TTC8: variants seen among roughly 807,000 people sequenced by gnomAD.
TTC8 encodes tetratricopeptide repeat protein 8.
In TTC8, 47 loss-of-function variants were observed where a neutral mutation model predicts 72.5. That is an observed-to-expected ratio of 0.65 (90% CI 0.51 to 0.83). The LOEUF (loss-of-function observed/expected upper bound fraction) is 0.83, where lower values mean the gene tolerates loss of function less well. TTC8 is among the 40% of genes least tolerant of loss of function. The pLI, the probability that TTC8 is intolerant of heterozygous loss-of-function variation, is 0.00. For synonymous variants in TTC8, 199 were observed against 221.4 expected, an observed-to-expected ratio of 0.90 and a Z score of 0.90; for missense variants, 611 against 623.2, an observed-to-expected ratio of 0.98 and a Z score of 0.21.
intron 6 of TTC8, among the ~76,000 whole-genome samples, chr14:88,841,730 T>A (rs1234715619): frequency 2.0e-5 from 3 of 152,202 alleles, no homozygotes; most frequent in Admixed American, 6.5e-5. Flanking sequence ...AGGAAATTCT[T>A]TTCCCTTGAT....
intron 8 of TTC8, among the ~76,000 whole-genome samples, chr14:88,856,849 G>A (rs927284918): frequency 6.6e-6 from 1 of 152,158 alleles, no homozygotes; most frequent in Non-Finnish European, 1.5e-5. Flanking sequence ...GAGACTCTAA[G>A]CATTTATTCA....
At chr14:88,842,951 GTT>G (rs71456665) in intron 6 of TTC8, among the ~76,000 whole-genome samples, 3 of 146,980 alleles carry the variant, frequency 2.0e-5, no homozygotes, top group African/African-American at 5.0e-5. Flanking sequence ...TTATAGGTTT[GTT>G]TTTTTTTTTA....
At position 88,871,480 on chromosome 14, in the gene TTC8, T is replaced by C. The variant is rs933195520; in HGVS notation, c.1050-69T>C. On this transcript the variant is annotated intron_variant, in intron 11 of 14. Coordinates refer to ENST00000380656, the MANE Select transcript of TTC8 (RefSeq NM_144596.4). The surrounding 1 kb of genome is among the most constrained non-coding windows in gnomAD (Gnocchi z 4.1). The stretch of plus-strand genomic sequence containing the variant: ...AATTCATTTTTAACTGTGTAAAATA[T>C]ATATATATATGTCTTAAAACTTACA... 3.5e-5 allele frequency: 46 copies of C among 1,320,600 alleles called. 2 individuals carry two copies. The South Asian group carries it at 5.2e-4, about 15-fold the overall frequency. 81.8% of individuals were successfully genotyped at this position (1,320,600 alleles called of 1,614,324 possible). A position where few individuals can be genotyped will look rare whatever the true frequency, so the allele number is the denominator to read the frequency against.
intron 8 of TTC8, among the ~76,000 whole-genome samples, chr14:88,854,803 C>T (rs1000289982): frequency 2.6e-5 from 4 of 152,282 alleles, no homozygotes; most frequent in Admixed American, 2.6e-4. Context: ...CTGCTTCAGT[C>T]TCCCAAGCTG....
At chr14:88,866,523 C>G (rs2094910442) in intron 10 of TTC8, among the ~76,000 whole-genome samples, 1 of 152,104 alleles carries the variant, frequency 6.6e-6, no homozygotes, top group Non-Finnish European at 1.5e-5. Flanking sequence ...TCAGCCTACA[C>G]AGTGGCCATT....
rs587777808 is a variant in TTC8, at chr14:88,843,851, G to A, written c.624+1G>A. ...TCATCATGAAAATGATGTTAAGACTGTAAGTTTTGAATTCATGCTATTTTC... is the reference window on the plus strand; with the variant it reads ...TCATCATGAAAATGATGTTAAGACTATAAGTTTTGAATTCATGCTATTTTC... On this transcript the variant is annotated splice_donor_variant, in intron 7 of 14. Coordinates refer to ENST00000380656, the MANE Select transcript of TTC8 (RefSeq NM_144596.4). LOFTEE classifies it high-confidence loss of function. 3 of 1,583,320 alleles carry A rather than the reference G, an allele frequency of 1.9e-6. No homozygotes were observed. The highest frequency in any genetic ancestry group is 2.6e-6 in the Non-Finnish European group (3 of 1,159,088).
intron 1 of TTC8, among the ~76,000 whole-genome samples, chr14:88,830,241 G>A (rs2094719735): frequency 6.6e-6 from 1 of 152,170 alleles, no homozygotes; most frequent in African/African-American, 2.4e-5. Context: ...AGAAAATGCT[G>A]AACCCTAGGG....
At chr14:88,853,097 T>A in intron 8 of TTC8, 41 bp downstream of exon 8, 1 of 1,447,558 alleles carries the variant, frequency 6.9e-7, no homozygotes, top group Non-Finnish European at 9.7e-7. Context: ...AGTGGCCACG[T>A]ATTTTAGGGT....
intron 7 of TTC8, among the ~76,000 whole-genome samples, chr14:88,850,964 A>T (rs144365986): frequency 5.3e-5 from 8 of 152,292 alleles, no homozygotes; most frequent in African/African-American, 1.7e-4. Flanking sequence ...AAAATTCTGT[A>T]CATCTCGAAG....
chr14:88,828,181 G>A (rs2094710425), intron 1 of TTC8, among the ~76,000 whole-genome samples: 1 of 142,482 alleles, frequency 7.0e-6, no homozygotes, highest in African/African-American at 2.5e-5. Context: ...TGTTTTGAGG[G>A]TCAGTTTTTA....
chr14:88,837,010 G>A (rs777137103), intron 2 of TTC8: 33 of 259,656 alleles, frequency 1.3e-4, no homozygotes, highest in African/African-American at 7.0e-4. Flanking sequence ...GCAGCAAGCC[G>A]AGATCACGCC....
At chr14:88,853,785 A>G (rs2094844208) in intron 8 of TTC8, among the ~76,000 whole-genome samples, 1 of 152,252 alleles carries the variant, frequency 6.6e-6, no homozygotes, top group Non-Finnish European at 1.5e-5. Context: ...ATGAATATTT[A>G]TATAGCAACT....
chr14:88,854,766 G>A (rs2094848756), intron 8 of TTC8, among the ~76,000 whole-genome samples: 1 of 152,092 alleles, frequency 6.6e-6, no homozygotes, highest in African/African-American at 2.4e-5. Context: ...GCTCACTGCA[G>A]CCTCAATCTC....
At chr14:88,860,810 C>CT (rs113496415) in intron 9 of TTC8, among the ~76,000 whole-genome samples, 14,985 of 144,762 alleles carry the variant, frequency 0.1, 1,986 homozygotes, top group African/African-American at 0.3. Context: ...TCTTCTTCTT[C>CT]TTTTTTTTTT....
chr14:88,833,546 A>C (rs2094736136), intron 1 of TTC8, 147 bp from the exon 2 acceptor site: 1 of 670,436 alleles, frequency 1.5e-6, no homozygotes, highest in South Asian at 1.8e-5. Flanking sequence ...TCTTGAGAAC[A>C]CTTCTGTAGG....
At chr14:88,864,738 T>C (rs918916534) in intron 10 of TTC8, among the ~76,000 whole-genome samples, 2 of 152,210 alleles carry the variant, frequency 1.3e-5, no homozygotes, top group Non-Finnish European at 2.9e-5. Flanking sequence ...GCAGTATTTC[T>C]GTCTTTTGCC....
chr14:88,852,734 A>T (rs544758870), intron 7 of TTC8, among the ~76,000 whole-genome samples: 1 of 152,318 alleles, frequency 6.6e-6, no homozygotes, highest in South Asian at 2.1e-4. Flanking sequence ...CAAATATATT[A>T]TACATCTGCT....
intron 2 of TTC8, among the ~76,000 whole-genome samples, chr14:88,836,291 G>T (rs576662872): frequency 1.4e-4 from 21 of 152,110 alleles, no homozygotes; most frequent in Admixed American, 3.9e-4. Flanking sequence ...AGGAGTTCAA[G>T]ACCAGCCAGG....
intron 7 of TTC8, among the ~76,000 whole-genome samples, chr14:88,845,634 A>G (rs1363212436): frequency 6.6e-6 from 1 of 152,224 alleles, no homozygotes; most frequent in Admixed American, 6.5e-5. Context: ...ATAAAATTAT[A>G]TGGTCAAACT....
Sources: gnomAD v4.1 joint callset for allele counts (sites outside exome capture counted in the v4.1 genomes callset) on GRCh38, gnomAD v4.1.1 for gene constraint, Gnocchi (gnomAD v3.1) non-coding constraint, MANE v1.5 for transcripts, NCBI Gene and HGNC (gene_info 2026-07-23, HGNC 2026-07-21) for gene names.